Variants in P3H1 observed in about 807,000 individuals in gnomAD.
P3H1 encodes the protein growth suppressor 1.
P3H1 carries 69 observed loss-of-function variants against 84.0 expected under a neutral mutation model. The ratio of observed to expected loss-of-function variants is 0.82; its 90% CI spans 0.68 to 1.00. The LOEUF is 1.00. P3H1 is among the 50% of genes least tolerant of loss of function. The probability of loss-of-function intolerance (pLI) is 0.00; values close to 1 mark genes in which losing one functional copy is unlikely to be tolerated. For missense variants in P3H1, 878 were observed against 962.8 expected (o/e 0.91, Z 1.17); for synonymous variants, 366 against 388.8 (o/e 0.94, Z 0.69).
rs192199620 is a variant in P3H1, at chr1:42,746,382, A to G, written c.*315T>C. 2 of 330,806 alleles carry G rather than the reference A, an allele frequency of 6.0e-6. No individual in the cohort carries two copies. Among genetic ancestry groups the G allele is most frequent in the South Asian group, 1.2e-4 (2 of 17,384 alleles). The allele number at this position is 330,806 out of a possible 1,614,324, so 20.5% of individuals were successfully genotyped here. A position where few individuals can be genotyped will look rare whatever the true frequency, so the allele number is the denominator to read the frequency against. On this transcript the variant is annotated 3_prime_UTR_variant, in exon 15 of 15. Coordinates refer to ENST00000296388, the MANE Select transcript of P3H1 (RefSeq NM_022356.4). ...TGTCTGAACAAACCAAGTAAAAAAA[A>G]CCATGAATCATTTATTCTTTGGTTG...
At position 42,757,940 on chromosome 1, in the gene P3H1, G is replaced by T; in HGVS notation, c.941-18C>A. 1 of 1,610,012 alleles carries T rather than the reference G, an allele frequency of 6.2e-7. No homozygotes were observed. The highest frequency in any genetic ancestry group is 8.5e-7 in the Non-Finnish European group (1 of 1,176,230). On this transcript the variant is annotated intron_variant, in intron 4 of 14. Coordinates refer to ENST00000296388, the MANE Select transcript of P3H1 (RefSeq NM_022356.4). ...ATTCCCAACTGCAAAGTGGAAAGAA[G>T]AATGGCTGAGAGGAAAGAGTCAAAA... is the stretch of plus-strand genomic sequence containing the variant.
chr1:42,747,468 T>C, intron 13 of P3H1, 56 bp from the exon 14 acceptor site: 22 of 1,542,590 alleles, frequency 1.4e-5, no homozygotes, highest in Non-Finnish European at 2.0e-5. Context: ...TAATCCACTC[T>C]CAGAAGAGAC....
rs1213664830 is a variant in P3H1 at position 42,767,025 on chromosome 1, C to G, written c.-54G>C. On this transcript the variant is annotated 5_prime_UTR_variant, in exon 1 of 15. Transcript: ENST00000296388. ...GCCACCCGCCACCAAGGCCGGAGTC[C>G]TACCCCCGGCGAAGGCCCGCCCCCG... The G allele has an allele frequency of 1.3e-6, 2 of 1,578,098 alleles. No homozygotes were observed. The highest frequency in any genetic ancestry group is 4.5e-5 in the East Asian group (2 of 44,010).
chr1:42,749,777 A>G (rs1430815054), intron 11 of P3H1: 3 of 186,320 alleles, frequency 1.6e-5, no homozygotes, highest in African/African-American at 2.4e-5. Flanking sequence ...TGTTGTTGTT[A>G]TTATTTTTGC....
intron 1 of P3H1, among the ~76,000 whole-genome samples, chr1:42,765,340 G>A (rs538225584): frequency 8.5e-5 from 13 of 152,314 alleles, no homozygotes; most frequent in Non-Finnish European, 1.5e-4. Flanking sequence ...TAAAGCTAGA[G>A]TCTCCCTCCT....
chr1:42,751,108 C>A (rs71518466), intron 10 of P3H1, among the ~76,000 whole-genome samples: 4 of 131,872 alleles, frequency 3.0e-5, no homozygotes, highest in African/African-American at 1.2e-4. Context: ...ATGACGATGG[C>A]GGTTTTGTGG....
Position 42,748,201 on chromosome 1 carries a change from T to C in P3H1, c.1837A>G (p.Ser613Gly). The C allele has an allele frequency of 1.9e-6, 3 of 1,611,106 alleles. No individual in the cohort carries two copies. Among genetic ancestry groups the C allele is most frequent in the Non-Finnish European group, 2.5e-6 (3 of 1,177,842 alleles). ...EPPAYTFRDYSAILYLNGDFD... is the reference protein window; with the variant it reads ...EPPAYTFRDYGAILYLNGDFD... ...ACCCTGCACCTGCCCCGCACTCACC[T>C]GTAGTCGCGGAAGGTGTAGGCTGGG... The change falls in exon 12 of 15, where the codon AGC becomes GGC. Residue 613 changes from serine to glycine, a missense_variant and splice_region_variant. Coordinates refer to ENST00000296388, the MANE Select transcript of P3H1 (RefSeq NM_022356.4).
At chr1:42,750,433 A>C in intron 10 of P3H1, 97 bp from the exon 11 acceptor site, 13 of 1,396,936 alleles carry the variant, frequency 9.3e-6, no homozygotes, top group Non-Finnish European at 1.3e-5. Flanking sequence ...CATAATTCCC[A>C]TGTGTTGTGG....
chr1:42,747,646 T>C (rs1651804077), intron 13 of P3H1, 77 bp downstream of exon 13: 1 of 1,519,770 alleles, frequency 6.6e-7, no homozygotes, highest in African/African-American at 1.4e-5. Context: ...GTTATTTTTG[T>C]CCACTGCACT....
intron 4 of P3H1, among the ~76,000 whole-genome samples, chr1:42,758,593 C>G (rs1652527924): frequency 6.6e-6 from 1 of 152,112 alleles, no homozygotes; most frequent in African/African-American, 2.4e-5. Flanking sequence ...AATTCAAAAG[C>G]AAAAATAGAT....
At chr1:42,759,626 C>A (rs941678718) in intron 2 of P3H1, among the ~76,000 whole-genome samples, 7 of 152,186 alleles carry the variant, frequency 4.6e-5, no homozygotes, top group African/African-American at 1.7e-4. Flanking sequence ...CAGAGTCTCA[C>A]TCTGTTGCCC....
chr1:42,750,958 C>A (rs1652036420), intron 10 of P3H1, among the ~76,000 whole-genome samples: 2 of 123,666 alleles, frequency 1.6e-5, no homozygotes, highest in Admixed American at 1.5e-4. Flanking sequence ...GGGGTCAGCC[C>A]CCCGCCCGGC....
rs1193567799 is a variant in P3H1, at chr1:42,759,391, C to T, written c.619-1G>A. On this transcript the variant is annotated splice_acceptor_variant, in intron 2 of 14. Coordinates refer to ENST00000296388, the MANE Select transcript of P3H1 (RefSeq NM_022356.4). LOFTEE classifies it high-confidence loss of function. The stretch of plus-strand genomic sequence containing the variant: ...GTCGCACTCCCAGTCGAAATTCTTG[C>T]TACTGGGAAGAAGGAGCACTCAAAT... 6.2e-7 allele frequency: 1 copy of T among 1,613,852 alleles called. No individual in the cohort carries two copies. Among genetic ancestry groups the T allele is most frequent in the East Asian group, 2.2e-5 (1 of 44,886 alleles).
Position 42,754,590 on chromosome 1 carries a change from C to A in P3H1, c.1345+279G>T, listed in dbSNP as rs1215387850. 2.0e-5 allele frequency among the ~76,000 whole-genome samples: 3 copies of A among 152,028 alleles called. No individual in the cohort carries two copies. The highest frequency in any genetic ancestry group is 4.4e-5 in the Non-Finnish European group (3 of 67,988). ...CTGGATTCAAACTCCTGGGCTCAAG[C>A]GATCCTCCTGCCTCAGCCTGCCAAG... is the stretch of plus-strand genomic sequence containing the variant. On this transcript the variant is annotated intron_variant, in intron 8 of 14. Transcript: ENST00000296388. The surrounding 1 kb of genome is among the most constrained non-coding windows in gnomAD (Gnocchi z 4.0).
chr1:42,766,023 A>ACC (rs1652977362), intron 1 of P3H1, among the ~76,000 whole-genome samples: 1 of 110,206 alleles, frequency 9.1e-6, no homozygotes, highest in African/African-American at 4.5e-5. Flanking sequence ...CCCCGCCCCC[A>ACC]CACACACACA....
chr1:42,757,920 C>G lies in P3H1; in HGVS notation c.943G>C (p.Gly315Arg), dbSNP rs753051532. 6.2e-7 allele frequency: 1 copy of G among 1,613,924 alleles called. No homozygotes were observed. Among genetic ancestry groups the G allele is most frequent in the Non-Finnish European group, 8.5e-7 (1 of 1,179,804 alleles). The change falls in exon 5 of 15, where the codon GGG becomes CGG. Residue 315 changes from glycine (G) to arginine (R), a missense_variant and splice_region_variant. Coordinates refer to ENST00000296388, the MANE Select transcript of P3H1 (RefSeq NM_022356.4). ...NYLQFAYYNIGNYTQAVECAK... is the reference protein window; with the variant it reads ...NYLQFAYYNIRNYTQAVECAK... Reference sequence around the variant, plus strand: ...CATTCAACAGCCTGTGTATAATTCCCAACTGCAAAGTGGAAAGAAGAATGG... The same window carrying G: ...CATTCAACAGCCTGTGTATAATTCCGAACTGCAAAGTGGAAAGAAGAATGG...
chr1:42,750,029 G>A, intron 11 of P3H1, 157 bp downstream of exon 11: 1 of 834,620 alleles, frequency 1.2e-6, no homozygotes, highest in Non-Finnish European at 1.9e-6. Context: ...CCATGCTACT[G>A]TGGCATGCAT....
intron 11 of P3H1, 73 bp from the exon 12 acceptor site, chr1:42,748,390 G>A (rs1298574752): frequency 2.6e-6 from 3 of 1,135,376 alleles, no homozygotes; most frequent in Admixed American, 1.7e-5. Context: ...TGGCAGGGGA[G>A]GTGCTTCCCA....
intron 5 of P3H1, 61 bp from the exon 6 acceptor site, chr1:42,755,698 G>A (rs1029053628): frequency 7.5e-6 from 10 of 1,338,666 alleles, no homozygotes; most frequent in Non-Finnish European, 1.1e-5. Context: ...ACCTCTGGGA[G>A]TTCCCCTCCC....
Sources: allele counts gnomAD v4.1 joint callset (sites outside exome capture counted in the v4.1 genomes callset), GRCh38; gene constraint gnomAD v4.1.1; non-coding constraint Gnocchi (gnomAD v3.1); transcripts MANE v1.5; gene names NCBI Gene and HGNC (gene_info 2026-07-23, HGNC 2026-07-21).